Variants in FAM90A20 observed in about 807,000 individuals in gnomAD.
The protein encoded by FAM90A20 is protein FAM90A20.
the FAM90A20 span, chr8:7,295,858 T>A: frequency 1.0e-5 from 7 of 693,362 alleles, no homozygotes; most frequent in South Asian, 1.0e-4. Context: ...TTTTCACCAC[T>A]CTTAGGGTAC....
At chr8:7,296,855 C>T in the FAM90A20 span, among the ~76,000 whole-genome samples, 2 of 136,804 alleles carry the variant, frequency 1.5e-5, no homozygotes, top group South Asian at 4.3e-4. Context: ...GTGCTTAGAT[C>T]AGCTACACAT....
the FAM90A20 span, chr8:7,297,576 C>A: frequency 7.3e-6 from 11 of 1,510,666 alleles, 2 homozygotes; most frequent in South Asian, 1.1e-5. Context: ...TTCCAGATCC[C>A]CGAAAGCACC....
the FAM90A20 span, chr8:7,297,137 G>T: frequency 3.3e-6 from 5 of 1,525,054 alleles, 1 homozygote; most frequent in South Asian, 5.6e-5. Context: ...TGGTCGCTCA[G>T]CTACCGAAAT....
chr8:7,297,894 C>T, the FAM90A20 span: 1,314 of 747,010 alleles, frequency 1.8e-3, 80 homozygotes, highest in African/African-American at 9.0e-3. Context: ...AAGCCGGGAG[C>T]CTTCCTCGCT....
chr8:7,297,582 G>T, the FAM90A20 span: 51 of 1,507,968 alleles, frequency 3.4e-5, 3 homozygotes, highest in Non-Finnish European at 4.3e-5. Context: ...ATCCCCGAAA[G>T]CACCATCCAG....
chr8:7,297,211 C>G, the FAM90A20 span: 5 of 1,531,502 alleles, frequency 3.3e-6, no homozygotes, highest in Non-Finnish European at 4.4e-6. Context: ...TGAGCTCCTC[C>G]TCAAGTCTTG....
chr8:7,297,492 C>A, the FAM90A20 span: 1 of 1,530,796 alleles, frequency 6.5e-7, no homozygotes, highest in Non-Finnish European at 8.8e-7. Flanking sequence ...AGCTTTGGGT[C>A]AGGAGCCAAG....
At chr8:7,295,538 A>C in the FAM90A20 span, 1 of 620,120 alleles carries the variant, frequency 1.6e-6, no homozygotes, top group Non-Finnish European at 2.8e-6. Flanking sequence ...ATCCTTATTC[A>C]GCTCTGAATT....
the FAM90A20 span, chr8:7,297,413 C>T: frequency 8.4e-6 from 13 of 1,549,458 alleles, 1 homozygote; most frequent in South Asian, 3.3e-5. Flanking sequence ...ACAAGACAAA[C>T]GTCCTGCGGT....
chr8:7,297,323 A>T, the FAM90A20 span: 16 of 1,359,996 alleles, frequency 1.2e-5, 1 homozygote, highest in Non-Finnish European at 1.5e-5. Context: ...GACACACAGC[A>T]GCCCTGAGGG....
At chr8:7,297,080 C>T in the FAM90A20 span, 55 of 1,506,566 alleles carry the variant, frequency 3.7e-5, 6 homozygotes, top group South Asian at 5.1e-4. Flanking sequence ...GGGGCCAATG[C>T]CGGTCCACAC....
the FAM90A20 span, chr8:7,297,463 G>C: frequency 2.4e-4 from 375 of 1,548,452 alleles, 22 homozygotes; most frequent in South Asian, 3.9e-3. Context: ...CACACAGCTT[G>C]GGCCTAGGCT....
chr8:7,297,095 T>A, the FAM90A20 span: 802,136 of 1,500,902 alleles, frequency 0.53, 250,670 homozygotes, highest in African/African-American at 0.57. Context: ...CCACACAACC[T>A]GTAAGAGGCC....
the FAM90A20 span, chr8:7,295,714 T>A: frequency 4.5e-6 from 4 of 883,828 alleles, 1 homozygote; most frequent in East Asian, 1.0e-4. Context: ...CAGCCCTGGT[T>A]CCAGCGACCT....
At chr8:7,296,254 C>T in the FAM90A20 span, 1 of 693,814 alleles carries the variant, frequency 1.4e-6, no homozygotes, top group Non-Finnish European at 2.6e-6. Flanking sequence ...TGGGGAAAAC[C>T]AGGGGGCACG....
chr8:7,297,276 G>C, the FAM90A20 span: 4 of 1,384,058 alleles, frequency 2.9e-6, no homozygotes, highest in Admixed American at 1.7e-5. Context: ...CCTGCAGTCA[G>C]GCACCAGGTC....
At chr8:7,296,471 C>G in the FAM90A20 span, 11 of 685,506 alleles carry the variant, frequency 1.6e-5, 2 homozygotes, top group Non-Finnish European at 2.9e-5. Context: ...AGCTTCCCGT[C>G]TGCGGGAGGA....
At chr8:7,297,207 C>T in the FAM90A20 span, 13 of 1,531,842 alleles carry the variant, frequency 8.5e-6, 1 homozygote, top group South Asian at 1.1e-5. Flanking sequence ...AGTCTGAGCT[C>T]CTCCTCAAGT....
the FAM90A20 span, chr8:7,296,417 C>T: frequency 1.1e-5 from 8 of 735,926 alleles, 2 homozygotes; most frequent in African/African-American, 1.7e-4. Flanking sequence ...ACCCCGGGCC[C>T]CTGGTCCTTT....
Sources: allele counts gnomAD v4.1 joint callset (sites outside exome capture counted in the v4.1 genomes callset), GRCh38; gene constraint gnomAD v4.1.1; transcripts MANE v1.5; gene names NCBI Gene and HGNC (gene_info 2026-07-23, HGNC 2026-07-21).